Variants in DZIP3 observed in about 807,000 individuals in gnomAD.
The protein encoded by DZIP3 is DAZ interacting zinc finger protein 3.
A neutral mutation model predicts 162.0 loss-of-function variants in DZIP3; 118 were observed. The observed-to-expected ratio is 0.73, with a 90% CI of 0.63 to 0.85. The LOEUF (loss-of-function observed/expected upper bound fraction) is 0.85. Ranked by LOEUF, DZIP3 falls within the 40% of genes least tolerant of loss-of-function variation. The pLI is 0.00. For missense variants in DZIP3, 1,331 were observed against 1,407.0 expected, an observed-to-expected ratio of 0.95 and a Z score of 0.86; for synonymous variants, 438 against 458.6, an observed-to-expected ratio of 0.96 and a Z score of 0.57.
chr3:108,616,524 T>A lies in DZIP3; in HGVS notation c.259-17T>A, dbSNP rs1559729139. On this transcript the variant is annotated splice_polypyrimidine_tract_variant and intron_variant, in intron 4 of 32. Coordinates refer to ENST00000361582, the MANE Select transcript of DZIP3 (RefSeq NM_014648.4). ...GTTCAGACTTATAGACATTTTTAAC[T>A]GAATAATTTTCCACAGAGAGAAGTT... The A allele has an allele frequency of 1.9e-6, 3 of 1,551,432 alleles. No individual in the cohort carries two copies. The highest frequency in any genetic ancestry group is 2.7e-6 in the Non-Finnish European group (3 of 1,128,762).
intron 1 of DZIP3, among the ~76,000 whole-genome samples, chr3:108,591,733 C>T (rs1396932708): frequency 6.6e-6 from 1 of 152,212 alleles, no homozygotes; most frequent in Non-Finnish European, 1.5e-5. Flanking sequence ...AGCAGTGGCT[C>T]ACGCTTTTAA....
intron 4 of DZIP3, among the ~76,000 whole-genome samples, chr3:108,611,716 A>T (rs1940715414): frequency 6.6e-6 from 1 of 152,162 alleles, no homozygotes; most frequent in African/African-American, 2.4e-5. Flanking sequence ...CTCTAATCCT[A>T]GCACTTTGGG....
rs572392946 is a variant in DZIP3 at position 108,642,654 on chromosome 3, G to A, written c.1141+140G>A. ...GCTTGGGTTTATACCAGCAAGCAGC[G>A]CTTGGTGTAGGCTGGAAATCACAGA... On this transcript the variant is annotated intron_variant, in intron 13 of 32. Coordinates refer to ENST00000361582, the MANE Select transcript of DZIP3 (RefSeq NM_014648.4). The A allele has an allele frequency of 3.2e-5, 29 of 911,522 alleles. No individual in the cohort carries two copies. The East Asian group carries it at 5.5e-4, about 17-fold the overall frequency. 56.5% of individuals were successfully genotyped at this position (911,522 alleles called of 1,614,324 possible).
chr3:108,672,343 A>G (rs907032964), intron 22 of DZIP3, among the ~76,000 whole-genome samples: 1 of 151,940 alleles, frequency 6.6e-6, no homozygotes, highest in African/African-American at 2.4e-5. Flanking sequence ...TAAGTTTTAA[A>G]TCATAGCCTA....
At position 108,634,867 on chromosome 3, in the gene DZIP3, C is replaced by A; in HGVS notation, c.817-4C>A. The A allele has an allele frequency of 6.3e-7, 1 of 1,586,718 alleles. No homozygotes were observed. Among genetic ancestry groups the A allele is most frequent in the Non-Finnish European group, 8.6e-7 (1 of 1,164,710 alleles). On this transcript the variant is annotated splice_polypyrimidine_tract_variant and splice_region_variant and intron_variant, in intron 9 of 32. Coordinates refer to ENST00000361582, the MANE Select transcript of DZIP3 (RefSeq NM_014648.4). The stretch of plus-strand genomic sequence containing the variant: ...ATTGATAACTTACTTTTATTTTTTT[C>A]CAGGGATTTTTTCAGTTAATGTGCA...
chr3:108,621,823 A>G lies in DZIP3; in HGVS notation c.376-2621A>G, dbSNP rs111812991. On this transcript the variant is annotated intron_variant, in intron 5 of 32. Transcript: ENST00000361582. ...TTTGCATTCTCATGTTTATTGCAGC[A>G]CTATTCACAATAGCCAAGATTTGAA... Among the ~76,000 whole-genome samples the G allele has an allele frequency of 6.8e-3, 1,043 of 152,354 alleles. 5 individuals are homozygous for G. Among genetic ancestry groups the G allele is most frequent in the African/African-American group, 0.024 (983 of 41,566 alleles).
intron 12 of DZIP3, among the ~76,000 whole-genome samples, chr3:108,640,182 A>G (rs904070692): frequency 2.0e-5 from 3 of 152,102 alleles, no homozygotes; most frequent in East Asian, 1.9e-4. Context: ...TTTGTAAATA[A>G]TGTGTCTTCT....
At chr3:108,608,249 C>G in intron 3 of DZIP3, 91 bp downstream of exon 3, 1 of 1,080,730 alleles carries the variant, frequency 9.3e-7, no homozygotes. Flanking sequence ...AGTTTAATTA[C>G]GTGTTAAAAT....
chr3:108,662,339 A>G (rs1943477861), intron 21 of DZIP3, 82 bp downstream of exon 21: 2 of 1,454,000 alleles, frequency 1.4e-6, no homozygotes, highest in Non-Finnish European at 9.1e-7. Flanking sequence ...CATAACCACT[A>G]GGTGGCACTG....
rs763718838 is a variant in DZIP3, at chr3:108,654,198, A to C, written c.2087A>C (p.His696Pro). Residue 696 changes from histidine to proline, a missense_variant, in exon 19 of 33, where the codon CAC becomes CCC. This residue lies in a region of DZIP3 where 1,278 missense variants were observed against 1,317.1 expected (regional missense o/e 0.97). Transcript: ENST00000361582. ...TTGAGGAAAGAACAAGCAAATCCAC[A>C]CTCAGTCAGTAGACTTATAAAAGAT... ...EQLRKEQANP[H>P]SVSRLIKDDA... The C allele has an allele frequency of 1.9e-6, 3 of 1,613,770 alleles. No homozygotes were observed. The highest frequency in any genetic ancestry group is 1.7e-4 in the Middle Eastern group (1 of 6,058).
At position 108,672,653 on chromosome 3, in the gene DZIP3, C is replaced by T. The variant is rs184330557; in HGVS notation, c.2586C>T (p.Ala862=). ...CAGAAACTAGCAGAGCTTTAACAGCCGAGGTAACAACAAAACGGGGACAGG... is the reference window on the plus strand; with the variant it reads ...CAGAAACTAGCAGAGCTTTAACAGCTGAGGTAACAACAAAACGGGGACAGG... ...LNAETSRALT[A]EVYFLQCRRD... Residue 862 remains alanine (A), a synonymous_variant, in exon 23 of 33, where the codon GCC becomes GCT. Transcript: ENST00000361582. 2.7e-5 allele frequency: 44 copies of T among 1,610,428 alleles called. No individual in the cohort carries two copies. In the East Asian group the frequency reaches 6.3e-4, roughly 23 times the overall value.
intron 19 of DZIP3, among the ~76,000 whole-genome samples, chr3:108,661,516 A>T (rs989148845): frequency 2.0e-5 from 3 of 152,188 alleles, no homozygotes; most frequent in Non-Finnish European, 4.4e-5. Flanking sequence ...AGATAGCATT[A>T]TGAGATATAC....
chr3:108,640,193 G>A (rs1414131635), intron 12 of DZIP3, among the ~76,000 whole-genome samples: 1 of 151,910 alleles, frequency 6.6e-6, no homozygotes, highest in East Asian at 1.9e-4. Context: ...TGTGTCTTCT[G>A]ATCTTGAATG....
intron 21 of DZIP3, among the ~76,000 whole-genome samples, chr3:108,663,134 A>G (rs945909935): frequency 3.3e-5 from 5 of 152,216 alleles, no homozygotes; most frequent in African/African-American, 1.2e-4. Context: ...CATAGTTCTG[A>G]CAACATAATT....
intron 21 of DZIP3, among the ~76,000 whole-genome samples, chr3:108,665,636 C>CA (rs1382819071): frequency 6.6e-6 from 1 of 152,058 alleles, no homozygotes; most frequent in Non-Finnish European, 1.5e-5. Context: ...CCCCGAATAG[C>CA]AAAAACTCAA....
At chr3:108,635,690 A>G (rs1197342225) in intron 10 of DZIP3, among the ~76,000 whole-genome samples, 1 of 148,148 alleles carries the variant, frequency 6.8e-6, no homozygotes, top group Admixed American at 6.8e-5. Context: ...CATAACTGTT[A>G]TTAGCTATTA....
upstream of DZIP3, chr3:108,589,582 T>A (rs1158460451): frequency 6.6e-6 from 3 of 456,776 alleles, no homozygotes; most frequent in Non-Finnish European, 1.2e-5. Context: ...GATTTGTGGG[T>A]CCAGGACGGG....
intron 19 of DZIP3, 187 bp downstream of exon 19, chr3:108,654,497 A>G: frequency 1.7e-6 from 1 of 585,078 alleles, no homozygotes; most frequent in South Asian, 2.1e-5. Context: ...AAGAACGCCT[A>G]GGAGCTGGAA....
chr3:108,669,186 TA>T (rs1943817699), intron 21 of DZIP3, among the ~76,000 whole-genome samples: 1 of 151,996 alleles, frequency 6.6e-6, no homozygotes, highest in Non-Finnish European at 1.5e-5. Flanking sequence ...TAGTTTTAAT[TA>T]AAATTTGCAT....
Sources: allele counts gnomAD v4.1 joint callset (sites outside exome capture counted in the v4.1 genomes callset), GRCh38; gene constraint gnomAD v4.1.1; regional missense constraint gnomAD v4.1.1; transcripts MANE v1.5; gene names NCBI Gene and HGNC (gene_info 2026-07-23, HGNC 2026-07-21).